Variants in ARMC2 observed in about 807,000 individuals in gnomAD.
The protein encoded by ARMC2 is armadillo repeat containing 2, also known as armadillo repeat-containing protein 2.
A neutral mutation model predicts 90.3 loss-of-function variants in ARMC2; 67 were observed. That is an observed-to-expected ratio of 0.74 (90% confidence interval 0.61 to 0.91). ARMC2 has a LOEUF of 0.91. Among genes scored for constraint, ARMC2 ranks in the 40% least tolerant of loss-of-function variants. The probability of loss-of-function intolerance (pLI) is 0.00; values close to 1 mark genes in which losing one functional copy is unlikely to be tolerated. For missense variants in ARMC2, 920 were observed against 1,030.9 expected (o/e 0.89, Z 1.47); for synonymous variants, 393 against 393.0 (o/e 1.00, Z 0.00).
chr6:108,960,053 C>G (rs746733446), intron 13 of ARMC2, among the ~76,000 whole-genome samples: 2 of 152,168 alleles, frequency 1.3e-5, no homozygotes, highest in Non-Finnish European at 1.5e-5. Context: ...TTGCCCAACT[C>G]TTAGATCCAA....
At chr6:108,929,604 C>G (rs1775365643) in intron 11 of ARMC2, among the ~76,000 whole-genome samples, 2 of 152,100 alleles carry the variant, frequency 1.3e-5, no homozygotes, top group African/African-American at 2.4e-5. Context: ...CTCAGCCTCC[C>G]TAGCAGCTGG....
the ARMC2 span, among the ~76,000 whole-genome samples, chr6:109,035,173 A>G: frequency 6.6e-6 from 1 of 151,900 alleles, no homozygotes; most frequent in African/African-American, 2.4e-5. Context: ...TCTAGGGTCC[A>G]TTTTGCTTTT....
At chr6:109,018,280 A>G in the ARMC2 span, among the ~76,000 whole-genome samples, 152,081 of 152,344 alleles carry the variant, frequency 1, 75,910 homozygotes, top group Middle Eastern at 1. Context: ...ACAATTTGTT[A>G]CCAGTAATAA....
intron 3 of ARMC2, 121 bp downstream of exon 3, chr6:108,858,392 A>C (rs976610964): frequency 1.3e-5 from 7 of 540,310 alleles, no homozygotes; most frequent in Non-Finnish European, 2.2e-5. Flanking sequence ...TAAATAGACT[A>C]ATAATTTAAT....
At chr6:109,040,665 T>C in the ARMC2 span, among the ~76,000 whole-genome samples, 1 of 151,974 alleles carries the variant, frequency 6.6e-6, no homozygotes, top group Non-Finnish European at 1.5e-5. Flanking sequence ...ATCTTTTTTT[T>C]TTTTTTTGAG....
At chr6:108,855,636 C>T (rs1774499370) in intron 2 of ARMC2, among the ~76,000 whole-genome samples, 1 of 152,190 alleles carries the variant, frequency 6.6e-6, no homozygotes, top group Non-Finnish European at 1.5e-5. Flanking sequence ...TAAGAAACTG[C>T]CAAACTGTCT....
the ARMC2 span, among the ~76,000 whole-genome samples, chr6:109,042,225 A>G: frequency 6.6e-6 from 1 of 152,074 alleles, no homozygotes; most frequent in African/African-American, 2.4e-5. Context: ...AGGGAAATTT[A>G]TAACACTACA....
At chr6:109,030,411 T>C in the ARMC2 span, among the ~76,000 whole-genome samples, 1 of 152,232 alleles carries the variant, frequency 6.6e-6, no homozygotes, top group East Asian at 1.9e-4. Flanking sequence ...TTCCTATGCA[T>C]GCAGAGTATA....
In ARMC2 at chr6:108,936,896, G is replaced by T; in HGVS notation, c.1497-4G>T. ...CTTTATTTTCCCATTTGGCATTTCTGCAGCAAACTTACTTCTTACCGTGAC... is the reference window on the plus strand; with the variant it reads ...CTTTATTTTCCCATTTGGCATTTCTTCAGCAAACTTACTTCTTACCGTGAC... On this transcript the variant is annotated splice_polypyrimidine_tract_variant and splice_region_variant and intron_variant, in intron 11 of 17. Transcript: ENST00000392644. 6.3e-7 allele frequency: 1 copy of T among 1,585,718 alleles called. No individual in the cohort carries two copies. Among genetic ancestry groups the T allele is most frequent in the Non-Finnish European group, 8.6e-7 (1 of 1,164,456 alleles).
chr6:108,989,818 A>G, the ARMC2 span, among the ~76,000 whole-genome samples: 1 of 152,218 alleles, frequency 6.6e-6, no homozygotes, highest in East Asian at 1.9e-4. Flanking sequence ...CCACTGGGTA[A>G]TGGATTTCCA....
intron 5 of ARMC2, among the ~76,000 whole-genome samples, chr6:108,893,396 A>G (rs1237322727): frequency 2.6e-5 from 4 of 152,224 alleles, no homozygotes; most frequent in African/African-American, 9.6e-5. Context: ...TAAGTTCCAA[A>G]TCTGTCTTTA....
At chr6:108,854,594 C>T in intron 2 of ARMC2, 109 bp downstream of exon 2, 1 of 1,133,204 alleles carries the variant, frequency 8.8e-7, no homozygotes, top group Non-Finnish European at 1.2e-6. Flanking sequence ...TTTTTTAGAA[C>T]AGTTTTAAGT....
At position 108,947,631 on chromosome 6, in the gene ARMC2, T is replaced by C. The variant is rs373352483; in HGVS notation, c.1597-5402T>C. ...TCAGATTGAGTAACTTGTTTGCTCA[T>C]TGGGGCATAACATCTGCGAAACTAA... On this transcript the variant is annotated intron_variant, in intron 12 of 17. Coordinates refer to ENST00000392644, the MANE Select transcript of ARMC2 (RefSeq NM_032131.6). Among the ~76,000 whole-genome samples, 23 of 152,266 alleles carry C rather than the reference T, an allele frequency of 1.5e-4. No homozygotes were observed. The East Asian group carries it at 1.5e-3, about 10-fold the overall frequency.
At chr6:108,907,922 A>G (rs1460578333) in intron 8 of ARMC2, 36 of 1,501,136 alleles carry the variant, frequency 2.4e-5, no homozygotes, top group Non-Finnish European at 3.3e-5. Context: ...AAGCCCGCTT[A>G]TTTTCTGGGG....
At chr6:108,868,001 T>C (rs904490758) in intron 3 of ARMC2, among the ~76,000 whole-genome samples, 1 of 152,044 alleles carries the variant, frequency 6.6e-6, no homozygotes, top group African/African-American at 2.4e-5. Context: ...ACTTTTTGCT[T>C]TTATGTTTTA....
chr6:108,856,227 G>A (rs1397773605), intron 2 of ARMC2, among the ~76,000 whole-genome samples: 1 of 151,606 alleles, frequency 6.6e-6, no homozygotes, highest in Admixed American at 6.6e-5. Flanking sequence ...GTTAATTTTT[G>A]TAAAGGGTGT....
intron 17 of ARMC2, among the ~76,000 whole-genome samples, chr6:108,971,637 C>T (rs769212035): frequency 3.3e-5 from 5 of 152,058 alleles, no homozygotes; most frequent in African/African-American, 1.2e-4. Flanking sequence ...AAAAAAGTAT[C>T]GGCAGCTGGG....
At chr6:108,861,778 C>G (rs189934555) in intron 3 of ARMC2, among the ~76,000 whole-genome samples, 4 of 152,232 alleles carry the variant, frequency 2.6e-5, no homozygotes, top group African/African-American at 9.6e-5. Flanking sequence ...TAGAGTGGCT[C>G]TTTATTCTAT....
chr6:108,880,088 A>G, intron 5 of ARMC2: 1 of 375,716 alleles, frequency 2.7e-6, no homozygotes, highest in South Asian at 2.0e-5. Flanking sequence ...GCAAAGAATG[A>G]AAAACAGAGA....
Sources: allele counts gnomAD v4.1 joint callset (sites outside exome capture counted in the v4.1 genomes callset), GRCh38; gene constraint gnomAD v4.1.1; transcripts MANE v1.5; gene names NCBI Gene and HGNC (gene_info 2026-07-23, HGNC 2026-07-21).